PHKB: variants seen among roughly 807,000 people sequenced by gnomAD.
PHKB encodes the protein phosphorylase kinase regulatory subunit beta, also known as phosphorylase b kinase regulatory subunit beta.
A neutral mutation model predicts 152.1 loss-of-function variants in PHKB; 122 were observed. The observed-to-expected ratio is 0.80, with a 90% CI of 0.69 to 0.93. PHKB has a LOEUF of 0.93. Among genes scored for constraint, PHKB ranks in the 40% least tolerant of loss-of-function variants. PHKB has a pLI of 0.00. For synonymous variants in PHKB, 436 were observed against 464.9 expected (o/e 0.94, Z 0.80); for missense variants, 1,304 against 1,328.4 (o/e 0.98, Z 0.29).
chr16:47,673,550 G>A (rs1047784706), intron 26 of PHKB, among the ~76,000 whole-genome samples: 10 of 152,090 alleles, frequency 6.6e-5, no homozygotes, highest in African/African-American at 2.4e-4. Context: ...TTTCTCCACG[G>A]AGTTATTAAT....
At chr16:47,654,079 T>A (rs1296458856) in intron 20 of PHKB, among the ~76,000 whole-genome samples, 2 of 152,194 alleles carry the variant, frequency 1.3e-5, no homozygotes, top group African/African-American at 4.8e-5. Flanking sequence ...TCTACAAATA[T>A]GTGCAGTGTC....
At chr16:47,588,211 C>A (rs1250455529) in intron 9 of PHKB, among the ~76,000 whole-genome samples, 1 of 151,086 alleles carries the variant, frequency 6.6e-6, no homozygotes, top group Non-Finnish European at 1.5e-5. Flanking sequence ...TTTCTAGGGA[C>A]TATTTGTGGT....
chr16:47,686,276 A>G (rs775501763), intron 26 of PHKB, among the ~76,000 whole-genome samples: 1 of 152,240 alleles, frequency 6.6e-6, no homozygotes, highest in African/African-American at 2.4e-5. Context: ...TTAATAACTC[A>G]AGTTAGTGGC....
At chr16:47,540,548 T>TA (rs1288507914) in intron 6 of PHKB, among the ~76,000 whole-genome samples, 2 of 152,124 alleles carry the variant, frequency 1.3e-5, no homozygotes, top group African/African-American at 4.8e-5. Context: ...GTCCTACCGA[T>TA]ATGTGATGTC....
intron 13 of PHKB, among the ~76,000 whole-genome samples, chr16:47,608,128 C>T (rs917781947): frequency 6.6e-6 from 1 of 151,656 alleles, no homozygotes; most frequent in Non-Finnish European, 1.5e-5. Context: ...TCTCACCATT[C>T]TTTGGGCTGT....
At chr16:47,562,993 G>C (rs1971502095) in intron 7 of PHKB, among the ~76,000 whole-genome samples, 1 of 152,088 alleles carries the variant, frequency 6.6e-6, no homozygotes, top group Non-Finnish European at 1.5e-5. Flanking sequence ...TCATCCATAA[G>C]AATCAATTCC....
In PHKB at chr16:47,581,528, TTAAC is replaced by T. The variant is rs1448862337; in HGVS notation, c.774+1174_774+1177del. Among the ~76,000 whole-genome samples the T allele has an allele frequency of 2.7e-5, 4 of 148,608 alleles. No individual in the cohort carries two copies. The East Asian group carries it at 7.7e-4, about 29-fold the overall frequency. ...CAATTCCACCAGTGAGTATGGCTAT[TTAAC>T]TAAGCCTCAGCTTCCTCGTCTAAAA... On this transcript the variant is annotated intron_variant, in intron 8 of 30. Coordinates refer to ENST00000323584, the MANE Select transcript of PHKB (RefSeq NM_000293.3).
chr16:47,587,653 T>C lies in PHKB; in HGVS notation c.775-15T>C. 1.3e-6 allele frequency: 2 copies of C among 1,600,002 alleles called. No individual in the cohort carries two copies. The highest frequency in any genetic ancestry group is 2.2e-5 in the South Asian group (2 of 90,526). ...TTTCTTAATTTAGGAAATGTTTTTC[T>C]TTTTCTCTGTCCAGGGCTGTTCGTG... On this transcript the variant is annotated splice_polypyrimidine_tract_variant and intron_variant, in intron 8 of 30. Coordinates refer to ENST00000323584, the MANE Select transcript of PHKB (RefSeq NM_000293.3).
chr16:47,644,119 C>T (rs1405453756), intron 16 of PHKB, among the ~76,000 whole-genome samples: 1 of 127,624 alleles, frequency 7.8e-6, no homozygotes, highest in African/African-American at 3.0e-5. Context: ...ATTTAAAGGA[C>T]GCCCACCTAG....
chr16:47,461,457 C>A (rs1256219206), intron 1 of PHKB, 31 bp downstream of exon 1: 2 of 1,609,866 alleles, frequency 1.2e-6, no homozygotes, highest in African/African-American at 1.3e-5. Context: ...GCCCCCCACC[C>A]GAGTACCTTG....
At chr16:47,678,161 G>A (rs979034188) in intron 26 of PHKB, among the ~76,000 whole-genome samples, 3 of 151,780 alleles carry the variant, frequency 2.0e-5, no homozygotes, top group Non-Finnish European at 4.4e-5. Context: ...TCTTAATCCA[G>A]TCTATCATTG....
At chr16:47,532,046 C>A (rs2151662425) in intron 6 of PHKB, among the ~76,000 whole-genome samples, 1 of 152,210 alleles carries the variant, frequency 6.6e-6, no homozygotes, top group Non-Finnish European at 1.5e-5. Context: ...GAATAAAGAA[C>A]TATTACTTAT....
chr16:47,652,887 C>A (rs1431538179), intron 20 of PHKB, among the ~76,000 whole-genome samples: 1 of 152,206 alleles, frequency 6.6e-6, no homozygotes, highest in African/African-American at 2.4e-5. Context: ...AAGTGATCCT[C>A]CTGTCTCGGC....
intron 20 of PHKB, among the ~76,000 whole-genome samples, chr16:47,657,758 T>C (rs981820626): frequency 4.6e-5 from 7 of 152,206 alleles, no homozygotes; most frequent in South Asian, 4.1e-4. Flanking sequence ...AAATAGAATT[T>C]TTTTCTGTTT....
intron 6 of PHKB, 144 bp from the exon 7 acceptor site, chr16:47,547,289 G>C (rs2151672382): frequency 1.5e-6 from 1 of 648,750 alleles, no homozygotes; most frequent in Non-Finnish European, 2.8e-6. Context: ...TCTGCATGTT[G>C]GTCATGCTGG....
At chr16:47,593,877 G>A (rs1972073862) in intron 11 of PHKB, among the ~76,000 whole-genome samples, 1 of 152,118 alleles carries the variant, frequency 6.6e-6, no homozygotes, top group East Asian at 1.9e-4. Flanking sequence ...TAATGTGAAT[G>A]TCTGTAACAT....
chr16:47,671,288 AG>A (rs758011251), intron 26 of PHKB, among the ~76,000 whole-genome samples: 1 of 152,152 alleles, frequency 6.6e-6, no homozygotes, highest in Non-Finnish European at 1.5e-5. Context: ...TTTTATATTC[AG>A]CACTATGCTG....
intron 20 of PHKB, among the ~76,000 whole-genome samples, chr16:47,653,816 G>T (rs189150581): frequency 2.7e-3 from 404 of 152,278 alleles, no homozygotes; most frequent in Non-Finnish European, 3.6e-3. Context: ...ACAAAAATGT[G>T]AGTACCTCCT....
chr16:47,556,036 C>A (rs12921824), intron 7 of PHKB, among the ~76,000 whole-genome samples: 8 of 152,252 alleles, frequency 5.3e-5, no homozygotes, highest in African/African-American at 9.6e-5. Flanking sequence ...TCTTTGAAGC[C>A]ATTGTGAATG....
Sources: gnomAD v4.1 joint callset for allele counts (sites outside exome capture counted in the v4.1 genomes callset) on GRCh38, gnomAD v4.1.1 for gene constraint, MANE v1.5 for transcripts, NCBI Gene and HGNC (gene_info 2026-07-23, HGNC 2026-07-21) for gene names.